CRLF2: variants seen among roughly 807,000 people sequenced by gnomAD.
The protein encoded by CRLF2 is cytokine receptor-like factor 2.
In CRLF2, 41 loss-of-function variants were observed where a neutral mutation model predicts 38.7. The observed-to-expected ratio is 1.06, with a 90% CI of 0.83 to 1.37. The LOEUF is 1.37. Ranked by LOEUF, CRLF2 falls within the 40% of genes most tolerant of loss-of-function variation. The probability of loss-of-function intolerance (pLI) is 0.00; values close to 1 mark genes in which losing one functional copy is unlikely to be tolerated. For missense variants in CRLF2, 377 were observed against 322.2 expected (o/e 1.17, Z -1.30); for synonymous variants, 140 against 128.8 (o/e 1.09, Z -0.59).
chrX:1,212,390 G>A lies in CRLF2; in HGVS notation c.79+166C>T, dbSNP rs1255159940. Among the ~76,000 whole-genome samples, 72 of 139,934 alleles carry A rather than the reference G, an allele frequency of 5.1e-4. 1 individual carries two copies. The highest frequency in any genetic ancestry group is 1.9e-3 in the African/African-American group (72 of 36,942). 91.8% of individuals were successfully genotyped at this position (139,934 alleles called of 152,430 possible). ...ATGTTTTGTCCCAGCTACTTGAGAA[G>A]CTGAGGCAGGAGAATTGCTTGAACC... On this transcript the variant is annotated intron_variant, in intron 1 of 7. Coordinates refer to ENST00000400841, the MANE Select transcript of CRLF2 (RefSeq NM_022148.4).
intron 1 of CRLF2, among the ~76,000 whole-genome samples, chrX:1,211,218 T>C (rs1489646298): frequency 6.6e-5 from 10 of 150,532 alleles, no homozygotes; most frequent in Non-Finnish European, 8.9e-5. Flanking sequence ...GATGGATACG[T>C]AGATGTGTAC....
chrX:1,203,463 G>A (rs1234748198), intron 3 of CRLF2, among the ~76,000 whole-genome samples: 1 of 152,020 alleles, frequency 6.6e-6, no homozygotes, highest in Non-Finnish European at 1.5e-5. Context: ...GAATGAGACC[G>A]GATTTGGAAA....
chrX:1,206,710 T>G (rs1219233385), intron 2 of CRLF2, 111 bp from the exon 3 acceptor site: 1 of 981,292 alleles, frequency 1.0e-6, no homozygotes, highest in African/African-American at 1.6e-5. Context: ...TGGCGCGATC[T>G]CAGCTCACTG....
In CRLF2 at chrX:1,201,214, G is replaced by A. The variant is rs140933238; in HGVS notation, c.483+1188C>T. On this transcript the variant is annotated intron_variant, in intron 4 of 7. Transcript: ENST00000400841. ...TGTGTGATAATCATAGGAGACTACC[G>A]TGGTACATGCAGTCTGCTGATGACC... Among the ~76,000 whole-genome samples, 58 of 152,200 alleles carry A rather than the reference G, an allele frequency of 3.8e-4. 3 individuals are homozygous for A. The East Asian group carries it at 0.01, about 26-fold the overall frequency.
At chrX:1,202,249 C>A (rs750275664) in intron 4 of CRLF2, among the ~76,000 whole-genome samples, 153 bp downstream of exon 4, 5 of 152,196 alleles carry the variant, frequency 3.3e-5, no homozygotes, top group Admixed American at 3.3e-4. Context: ...AAAAGCCAAG[C>A]TGGACTAGAG....
chrX:1,197,892 C>G (rs2086517854), intron 5 of CRLF2, among the ~76,000 whole-genome samples: 1 of 151,904 alleles, frequency 6.6e-6, no homozygotes, highest in Non-Finnish European at 1.5e-5. Context: ...ATCCCAGGCA[C>G]TCGGGAGGCT....
At chrX:1,193,736 T>C (rs1468784388) in intron 6 of CRLF2, among the ~76,000 whole-genome samples, 10,366 of 137,252 alleles carry the variant, frequency 0.076, 472 homozygotes, top group African/African-American at 0.13. Flanking sequence ...GATCCGAGAT[T>C]GCGCCACTGC....
At chrX:1,203,654 C>G (rs2086645895) in intron 3 of CRLF2, among the ~76,000 whole-genome samples, 2 of 151,966 alleles carry the variant, frequency 1.3e-5, no homozygotes, top group Admixed American at 6.6e-5. Flanking sequence ...CCAGGGACAC[C>G]TGGAGCCCCC....
chrX:1,206,641 A>C (rs780384378), intron 2 of CRLF2, 42 bp from the exon 3 acceptor site: 8 of 1,596,098 alleles, frequency 5.0e-6, no homozygotes, highest in Non-Finnish European at 6.0e-6. Flanking sequence ...AAAACAAAAA[A>C]GCATGTCTTA....
At position 1,198,616 on chromosome X, in the gene CRLF2, T is replaced by C. The variant is rs2086541903; in HGVS notation, c.592A>G (p.Thr198Ala). Residue 198 changes from threonine (T) to alanine (A), a missense_variant, in exon 5 of 8, where the codon ACA becomes GCA. Coordinates refer to ENST00000400841, the MANE Select transcript of CRLF2 (RefSeq NM_022148.4). ...KAMEDVYGPD[T>A]YPSDWSEVTC... ...ACCTCTGACCAGTCGCTTGGGTATG[T>C]GTCTGGCCCATATACATCCTCCATA... 2 of 1,613,696 alleles carry C rather than the reference T, an allele frequency of 1.2e-6. No homozygotes were observed. The highest frequency in any genetic ancestry group is 3.3e-5 in the Admixed American group (2 of 59,996).
At chrX:1,209,835 G>A (rs1367051163) in intron 1 of CRLF2, among the ~76,000 whole-genome samples, 1 of 151,858 alleles carries the variant, frequency 6.6e-6, no homozygotes. Flanking sequence ...CAGGTGCAGC[G>A]GCTCACGTCT....
In CRLF2 at chrX:1,196,429, A is replaced by T. The variant is rs1438561978; in HGVS notation, c.767+351T>A. On this transcript the variant is annotated intron_variant, in intron 6 of 7. Coordinates refer to ENST00000400841, the MANE Select transcript of CRLF2 (RefSeq NM_022148.4). ...TCTCGATCTCTTGACCTTATGATTC[A>T]CCTGCCTTGGCATCACAAAATACTG... Among the ~76,000 whole-genome samples the T allele has an allele frequency of 1.3e-5, 2 of 151,674 alleles. 1 individual carries two copies. Among genetic ancestry groups the T allele is most frequent in the East Asian group, 3.9e-4 (2 of 5,158 alleles).
intron 5 of CRLF2, among the ~76,000 whole-genome samples, chrX:1,197,370 GACA>G (rs766231871): frequency 1.3e-3 from 199 of 151,762 alleles, no homozygotes; most frequent in African/African-American, 4.7e-3. Flanking sequence ...CGTGTCTCTG[GACA>G]ACAACACATC....
At position 1,198,609 on chromosome X, in the gene CRLF2, G is replaced by A; in HGVS notation, c.599C>T (p.Pro200Leu). ...MEDVYGPDTYPSDWSEVTCWQ... is the reference protein window; with the variant it reads ...MEDVYGPDTYLSDWSEVTCWQ... The stretch of plus-strand genomic sequence containing the variant: ...GCATGTCACCTCTGACCAGTCGCTT[G>A]GGTATGTGTCTGGCCCATATACATC... The change falls in exon 5 of 8, where the codon CCA becomes CTA. Residue 200 changes from proline to leucine, a missense_variant. Coordinates refer to ENST00000400841, the MANE Select transcript of CRLF2 (RefSeq NM_022148.4). 3.7e-6 allele frequency: 6 copies of A among 1,613,646 alleles called. No homozygotes were observed. The highest frequency in any genetic ancestry group is 1.7e-5 in the Admixed American group (1 of 59,976).
chrX:1,205,195 C>T (rs1280224475), intron 3 of CRLF2, among the ~76,000 whole-genome samples: 1 of 152,216 alleles, frequency 6.6e-6, no homozygotes. Context: ...CAGATTCAAT[C>T]CCCAACCAGT....
intron 7 of CRLF2, among the ~76,000 whole-genome samples, chrX:1,192,845 A>G (rs1266040917): frequency 4.2e-5 from 5 of 118,356 alleles, no homozygotes; most frequent in African/African-American, 9.9e-5. Flanking sequence ...ACAGAGTCTC[A>G]CTCTGTCACC....
At chrX:1,197,179 G>A (rs1435220997) in intron 5 of CRLF2, among the ~76,000 whole-genome samples, 2 of 144,018 alleles carry the variant, frequency 1.4e-5, no homozygotes, top group East Asian at 4.1e-4. Context: ...TGCAACCTCC[G>A]TCTCCCGGAC....
chrX:1,192,159 C>G (rs1364238487), intron 7 of CRLF2, among the ~76,000 whole-genome samples: 18 of 144,488 alleles, frequency 1.2e-4, no homozygotes, highest in East Asian at 2.1e-4. Context: ...GAGCCGAGAT[C>G]CCGCCACTGC....
chrX:1,201,867 T>C (rs1391898848), intron 4 of CRLF2, among the ~76,000 whole-genome samples: 5 of 151,788 alleles, frequency 3.3e-5, no homozygotes, highest in Admixed American at 2.6e-4. Context: ...ATATAGAAGA[T>C]TGACCATACA....
Sources: gnomAD v4.1 joint callset for allele counts (sites outside exome capture counted in the v4.1 genomes callset) on GRCh38, gnomAD v4.1.1 for gene constraint, MANE v1.5 for transcripts, NCBI Gene and HGNC (gene_info 2026-07-23, HGNC 2026-07-21) for gene names.